The following MLLT3 variants were observed in gnomAD, a reference collection of about 807,000 sequenced individuals.
MLLT3 encodes protein AF-9.
In MLLT3, 4 loss-of-function variants were observed where a neutral mutation model predicts 53.2. The observed-to-expected ratio is 0.08, with a 90% CI of 0.04 to 0.17. The LOEUF (loss-of-function observed/expected upper bound fraction) is 0.17, where lower values mean the gene tolerates loss of function less well. Among genes scored for constraint, MLLT3 ranks in the 10% least tolerant of loss-of-function variants. MLLT3 has a pLI of 1.00. For synonymous variants in MLLT3, 283 were observed against 230.6 expected (o/e 1.23, Z -2.06); for missense variants, 569 against 684.0 (o/e 0.83, Z 1.87).
intron 2 of MLLT3, among the ~76,000 whole-genome samples, chr9:20,482,183 T>C (rs371611569): frequency 6.6e-6 from 1 of 152,212 alleles, no homozygotes; most frequent in Non-Finnish European, 1.5e-5. Context: ...TTGGACTAAG[T>C]TCCTGCATTA....
At chr9:20,431,605 C>T (rs568316428) in intron 4 of MLLT3, among the ~76,000 whole-genome samples, 31 of 152,068 alleles carry the variant, frequency 2.0e-4, no homozygotes, top group Admixed American at 2.0e-3. Context: ...TATGGAAAAC[C>T]GGTTTCTTAC....
At chr9:20,420,772 C>A (rs139048113) in intron 4 of MLLT3, among the ~76,000 whole-genome samples, 1 of 151,890 alleles carries the variant, frequency 6.6e-6, no homozygotes, top group African/African-American at 2.4e-5. Context: ...TGTATACATG[C>A]GCCATGTTGG....
At chr9:20,586,810 G>T (rs768860109) in intron 2 of MLLT3, among the ~76,000 whole-genome samples, 1 of 152,098 alleles carries the variant, frequency 6.6e-6, no homozygotes, top group Non-Finnish European at 1.5e-5. Context: ...CCAGCAGAGG[G>T]GAGCAAGTTG....
intron 5 of MLLT3, among the ~76,000 whole-genome samples, chr9:20,372,482 C>T (rs1230186809): frequency 3.3e-5 from 5 of 150,940 alleles, no homozygotes; most frequent in South Asian, 2.1e-4. Context: ...ACTGCAAGTT[C>T]GTTCACGCCA....
chr9:20,425,552 A>G (rs1823120913), intron 4 of MLLT3, among the ~76,000 whole-genome samples: 2 of 152,174 alleles, frequency 1.3e-5, no homozygotes, highest in South Asian at 4.1e-4. Context: ...AAGATAAATG[A>G]TTCAACAATG....
chr9:20,552,470 G>C (rs143277024), intron 2 of MLLT3, among the ~76,000 whole-genome samples: 17 of 152,230 alleles, frequency 1.1e-4, no homozygotes, highest in African/African-American at 4.1e-4. Context: ...GGCACCACTA[G>C]CAGCTAGACT....
At chr9:20,588,200 T>C (rs1241315017) in intron 2 of MLLT3, among the ~76,000 whole-genome samples, 1 of 151,772 alleles carries the variant, frequency 6.6e-6, no homozygotes, top group Non-Finnish European at 1.5e-5. Context: ...CATTGATCTA[T>C]ATCTCTGTTT....
rs147033847 is a variant in MLLT3 at position 20,390,959 on chromosome 9, A to G, written c.1125+22762T>C. Among the ~76,000 whole-genome samples, 440 of 152,254 alleles carry G rather than the reference A, an allele frequency of 2.9e-3. 6 individuals carry two copies. Among genetic ancestry groups the G allele is most frequent in the East Asian group, 0.027 (139 of 5,178 alleles). ...GAAATCCCATCTCATTTTTTGAAAA[A>G]AGGTTAAGTAAGCAAATTGGGGTGT... On this transcript the variant is annotated intron_variant, in intron 5 of 10. Coordinates refer to ENST00000380338, the MANE Select transcript of MLLT3 (RefSeq NM_004529.4).
At position 20,582,893 on chromosome 9, in the gene MLLT3, T is replaced by C. The variant is rs144876834; in HGVS notation, c.193+37761A>G. The stretch of plus-strand genomic sequence containing the variant: ...TGGGTGGGGGCACAGTCAAACTATA[T>C]CATTCCACCCCTGGCCCCTCAAAAT... On this transcript the variant is annotated intron_variant, in intron 2 of 10. Transcript: ENST00000380338. 3.9e-3 allele frequency among the ~76,000 whole-genome samples: 599 copies of C among 152,254 alleles called. 5 individuals carry two copies. Among genetic ancestry groups the C allele is most frequent in the Non-Finnish European group, 6.9e-3 (469 of 68,010 alleles).
chr9:20,405,941 G>A (rs1425866339), intron 5 of MLLT3, among the ~76,000 whole-genome samples: 1 of 151,824 alleles, frequency 6.6e-6, no homozygotes, highest in Non-Finnish European at 1.5e-5. Context: ...GTGAAATCCC[G>A]CCTCTACTAA....
chr9:20,532,939 C>G lies in MLLT3; in HGVS notation c.194-76153G>C, dbSNP rs371150418. ...AAAGCTCCCAGCAAAGGGCACATCC[C>G]CACTAAGAGATCACCTGTCCTTCGA... On this transcript the variant is annotated intron_variant, in intron 2 of 10. Transcript: ENST00000380338. 2.6e-5 allele frequency: 7 copies of G among 264,572 alleles called. 1 individual carries two copies. The highest frequency in any genetic ancestry group is 1.2e-4 in the African/African-American group (5 of 43,404). 16.4% of individuals were successfully genotyped at this position (264,572 alleles called of 1,614,324 possible). A position where few individuals can be genotyped will look rare whatever the true frequency, so the allele number is the denominator to read the frequency against.
chr9:20,385,952 G>T (rs1486374758), intron 5 of MLLT3, among the ~76,000 whole-genome samples: 2 of 152,148 alleles, frequency 1.3e-5, no homozygotes, highest in Admixed American at 6.6e-5. Flanking sequence ...TCTGCCTTCT[G>T]AGATATTTGT....
intron 2 of MLLT3, among the ~76,000 whole-genome samples, chr9:20,581,213 T>G (rs1819783043): frequency 1.3e-5 from 2 of 152,316 alleles, no homozygotes; most frequent in African/African-American, 4.8e-5. Context: ...CTCAAGTTCT[T>G]TGATACACAG....
chr9:20,596,813 T>A (rs1820281520), intron 2 of MLLT3, among the ~76,000 whole-genome samples: 2 of 152,244 alleles, frequency 1.3e-5, no homozygotes, highest in Non-Finnish European at 2.9e-5. Flanking sequence ...AATCAGCTTG[T>A]CAATTTACAA....
chr9:20,486,558 A>G (rs958027809), intron 2 of MLLT3, among the ~76,000 whole-genome samples: 7 of 152,210 alleles, frequency 4.6e-5, no homozygotes, highest in African/African-American at 1.7e-4. Flanking sequence ...AGCAGCTAGT[A>G]ATACATGAAA....
At chr9:20,519,366 G>A (rs751194851) in intron 2 of MLLT3, among the ~76,000 whole-genome samples, 1 of 152,114 alleles carries the variant, frequency 6.6e-6, no homozygotes, top group African/African-American at 2.4e-5. Context: ...CTTTTCTGTA[G>A]ACCTAAATTT....
Position 20,363,624 on chromosome 9 carries a change from C to A in MLLT3, c.1202-19G>T. The A allele has an allele frequency of 6.2e-7, 1 of 1,611,416 alleles. No individual in the cohort carries two copies. Among genetic ancestry groups the A allele is most frequent in the Non-Finnish European group, 8.5e-7 (1 of 1,179,286 alleles). ...AAAGGACCTGAGTAATGACAATGAACCACAGGCAATCAAACATATACTCAA... is the reference window on the plus strand; with the variant it reads ...AAAGGACCTGAGTAATGACAATGAAACACAGGCAATCAAACATATACTCAA... On this transcript the variant is annotated intron_variant, in intron 6 of 10. Coordinates refer to ENST00000380338, the MANE Select transcript of MLLT3 (RefSeq NM_004529.4).
intron 4 of MLLT3, among the ~76,000 whole-genome samples, chr9:20,438,270 C>G (rs911720357): frequency 6.6e-6 from 1 of 152,186 alleles, no homozygotes; most frequent in Non-Finnish European, 1.5e-5. Context: ...ATAAATAGTG[C>G]CACTGCAAAT....
In MLLT3 at chr9:20,345,093, T is replaced by A. The variant is rs182717161; in HGVS notation, c.*1350A>T. 1 of 220,468 alleles carries A rather than the reference T, an allele frequency of 4.5e-6. No individual in the cohort carries two copies. The highest frequency in any genetic ancestry group is 6.6e-5 in the East Asian group (1 of 15,056). The allele number at this position is 220,468 out of a possible 1,614,324, so 13.7% of individuals were successfully genotyped here. On this transcript the variant is annotated 3_prime_UTR_variant, in exon 11 of 11. Transcript: ENST00000380338. ...TTTCTTTTAAAAATAATTTGCTTTCTTTTGCATGCCACAGGACAGATTTCT... is the reference window on the plus strand; with the variant it reads ...TTTCTTTTAAAAATAATTTGCTTTCATTTGCATGCCACAGGACAGATTTCT...
Sources: allele counts gnomAD v4.1 joint callset (sites outside exome capture counted in the v4.1 genomes callset), GRCh38; gene constraint gnomAD v4.1.1; transcripts MANE v1.5; gene names NCBI Gene and HGNC (gene_info 2026-07-23, HGNC 2026-07-21).